The following LRRN3 variants were observed in gnomAD, a reference collection of about 807,000 sequenced individuals.
LRRN3 encodes leucine-rich repeat neuronal protein 3.
A neutral mutation model predicts 40.1 loss-of-function variants in LRRN3; 15 were observed. The ratio of observed to expected loss-of-function variants is 0.37; its 90% CI spans 0.25 to 0.58. LRRN3 has a LOEUF of 0.58. LRRN3 is among the 20% of genes least tolerant of loss of function. LRRN3 has a pLI of 0.72. For missense variants in LRRN3, 746 were observed against 837.7 expected (o/e 0.89, Z 1.35); for synonymous variants, 308 against 297.2 (o/e 1.04, Z -0.37).
chr7:111,124,774 A>C lies in LRRN3; in HGVS notation c.2002A>C (p.Lys668Gln). 6.2e-7 allele frequency: 1 copy of C among 1,613,922 alleles called. No homozygotes were observed. Among genetic ancestry groups the C allele is most frequent in the Non-Finnish European group, 8.5e-7 (1 of 1,179,992 alleles). ...CAGCTATGTGAGGAATTACTTACAG[A>C]AACCAACCTTTGCATTAGGTGAGCT... ...GHSYVRNYLQ[K>Q]PTFALGELYP... The change falls in exon 3 of 3, where the codon AAA (lysine) becomes CAA (glutamine). Residue 668 changes from lysine (K) to glutamine (Q), a missense_variant. Transcript: ENST00000308478.
At chr7:111,098,157 T>C (rs1797598825) in intron 1 of LRRN3, among the ~76,000 whole-genome samples, 1 of 151,852 alleles carries the variant, frequency 6.6e-6, no homozygotes, top group South Asian at 2.1e-4. Flanking sequence ...CATTATAAGA[T>C]ATAAACATCA....
chr7:111,111,914 A>G (rs967812628), intron 2 of LRRN3, among the ~76,000 whole-genome samples: 20 of 110,970 alleles, frequency 1.8e-4, no homozygotes, highest in Admixed American at 8.1e-4. Context: ...TTATTTATAT[A>G]TTTTATTTAT....
chr7:111,116,916 AG>A (rs1799945848), intron 2 of LRRN3, among the ~76,000 whole-genome samples: 1 of 152,170 alleles, frequency 6.6e-6, no homozygotes, highest in Admixed American at 6.5e-5. Flanking sequence ...TGAGCTTTAG[AG>A]GCAAAATGAA....
chr7:111,107,725 T>C (rs1798706503), intron 2 of LRRN3, among the ~76,000 whole-genome samples: 1 of 152,136 alleles, frequency 6.6e-6, no homozygotes, highest in African/African-American at 2.4e-5. Context: ...TTATTTCAGA[T>C]CTAGTGAGTA....
chr7:111,102,765 T>C (rs1200288027), intron 2 of LRRN3, among the ~76,000 whole-genome samples: 1 of 151,532 alleles, frequency 6.6e-6, no homozygotes, highest in East Asian at 1.9e-4. Context: ...GGACATTCCA[T>C]CTCAAATTTA....
At position 111,124,280 on chromosome 7, in the gene LRRN3, G is replaced by T; in HGVS notation, c.1508G>T (p.Gly503Val). The T allele has an allele frequency of 6.2e-7, 1 of 1,613,900 alleles. No homozygotes were observed. The highest frequency in any genetic ancestry group is 8.5e-7 in the Non-Finnish European group (1 of 1,179,956). Residue 503 changes from glycine to valine, a missense_variant, in exon 3 of 3, where the codon GGC becomes GTC. Coordinates refer to ENST00000308478, the MANE Select transcript of LRRN3 (RefSeq NM_001099658.2). ...LYTCIATNLV[G>V]ADLKSVMIKV... Reference sequence around the variant, plus strand: ...ACTTGTATAGCAACTAACCTAGTTGGCGCTGACTTGAAGTCTGTTATGATC... The same window carrying T: ...ACTTGTATAGCAACTAACCTAGTTGTCGCTGACTTGAAGTCTGTTATGATC...
chr7:111,109,200 C>A (rs1045803890), intron 2 of LRRN3, among the ~76,000 whole-genome samples: 2 of 151,556 alleles, frequency 1.3e-5, no homozygotes, highest in Non-Finnish European at 2.9e-5. Context: ...ATTTTCAGTA[C>A]AATTTAACAT....
chr7:111,098,800 T>C (rs1797667661), intron 1 of LRRN3, among the ~76,000 whole-genome samples: 3 of 151,826 alleles, frequency 2.0e-5, no homozygotes, highest in East Asian at 3.9e-4. Flanking sequence ...CCTAGGTTAG[T>C]TAGCTCGAAA....
intron 2 of LRRN3, among the ~76,000 whole-genome samples, chr7:111,108,586 G>A (rs954299636): frequency 6.6e-6 from 1 of 152,056 alleles, no homozygotes; most frequent in Non-Finnish European, 1.5e-5. Context: ...TATAATGAGA[G>A]TAGACATTGG....
At chr7:111,113,523 T>G (rs1432097230) in intron 2 of LRRN3, among the ~76,000 whole-genome samples, 1 of 152,180 alleles carries the variant, frequency 6.6e-6, no homozygotes, top group Non-Finnish European at 1.5e-5. Flanking sequence ...TCACTTCATT[T>G]ATTTTTTTCT....
At chr7:111,113,153 C>T in intron 2 of LRRN3, among the ~76,000 whole-genome samples, 1 of 152,140 alleles carries the variant, frequency 6.6e-6, no homozygotes. Context: ...AATATTGTAA[C>T]TAAAATGTTC....
At chr7:111,113,626 TG>T (rs1799503108) in intron 2 of LRRN3, among the ~76,000 whole-genome samples, 2 of 151,430 alleles carry the variant, frequency 1.3e-5, no homozygotes. Flanking sequence ...AATAAAAAAA[TG>T]ACTTAAAAAT....
chr7:111,121,418 T>C (rs1211898047), intron 2 of LRRN3, among the ~76,000 whole-genome samples: 1 of 152,060 alleles, frequency 6.6e-6, no homozygotes, highest in Non-Finnish European at 1.5e-5. Context: ...GTTTTAGACA[T>C]GGATATGAAC....
chr7:111,098,163 C>T (rs1011092425), intron 1 of LRRN3, among the ~76,000 whole-genome samples: 5 of 151,838 alleles, frequency 3.3e-5, no homozygotes, highest in Non-Finnish European at 5.9e-5. Flanking sequence ...AAGATATAAA[C>T]ATCATCCAAG....
intron 1 of LRRN3, chr7:111,096,878 A>T (rs1476929407): frequency 6.6e-6 from 1 of 151,962 alleles, no homozygotes; most frequent in East Asian, 1.9e-4. Context: ...TAAACTACTA[A>T]AGTCAAAATG....
At position 111,123,399 on chromosome 7, in the gene LRRN3, G is replaced by A; in HGVS notation, c.627G>A (p.Lys209=). Residue 209 remains lysine, a synonymous_variant, in exon 3 of 3, where the codon AAG becomes AAA. Coordinates refer to ENST00000308478, the MANE Select transcript of LRRN3 (RefSeq NM_001099658.2). The surrounding 1 kb of genome is among the most constrained non-coding windows in gnomAD (Gnocchi z 6.4). The stretch of plus-strand genomic sequence containing the variant: ...TCAGAATCAAAGACATGAACTTTAA[G>A]CCTCTTATCAATCTTCGCAGCCTGG... The part of the protein sequence containing the change: ...PIIRIKDMNF[K]PLINLRSLVI... 1 of 1,613,644 alleles carries A rather than the reference G, an allele frequency of 6.2e-7. No individual in the cohort carries two copies. Among genetic ancestry groups the A allele is most frequent in the East Asian group, 2.2e-5 (1 of 44,846 alleles).
intron 2 of LRRN3, among the ~76,000 whole-genome samples, chr7:111,104,745 A>G (rs1798355876): frequency 6.6e-6 from 1 of 151,856 alleles, no homozygotes; most frequent in African/African-American, 2.4e-5. Flanking sequence ...ATGTATTCAC[A>G]ATAAGCTGTA....
intron 2 of LRRN3, among the ~76,000 whole-genome samples, chr7:111,112,043 G>T (rs1165163147): frequency 6.7e-6 from 1 of 148,224 alleles, no homozygotes; most frequent in African/African-American, 2.5e-5. Context: ...TGCCTCCTGG[G>T]TTCCGGTGAT....
chr7:111,096,519 A>C (rs74447911), intron 1 of LRRN3, among the ~76,000 whole-genome samples: 7,164 of 151,146 alleles, frequency 0.047, 232 homozygotes, highest in South Asian at 0.082. Flanking sequence ...AAAAAAAAAA[A>C]AACAAAACAA....
Sources: allele counts gnomAD v4.1 joint callset (sites outside exome capture counted in the v4.1 genomes callset), GRCh38; gene constraint gnomAD v4.1.1; non-coding constraint Gnocchi (gnomAD v3.1); transcripts MANE v1.5; gene names NCBI Gene and HGNC (gene_info 2026-07-23, HGNC 2026-07-21).